The following TMEM33 variants were observed in gnomAD, a reference collection of about 807,000 sequenced individuals.
The protein encoded by TMEM33 is transmembrane protein 33.
TMEM33 carries 16 observed loss-of-function variants against 29.7 expected under a neutral mutation model. That is an observed-to-expected ratio of 0.54 (90% confidence interval 0.36 to 0.82). The LOEUF (loss-of-function observed/expected upper bound fraction) is 0.82, where lower values mean the gene tolerates loss of function less well. Among genes scored for constraint, TMEM33 ranks in the 40% least tolerant of loss-of-function variants. The pLI, the probability that TMEM33 is intolerant of heterozygous loss-of-function variation, is 0.00. For missense variants in TMEM33, 252 were observed against 295.3 expected (o/e 0.85, Z 1.08); for synonymous variants, 112 against 109.4 (o/e 1.02, Z -0.15).
chr4:41,943,297 G>C lies in TMEM33; in HGVS notation c.329-450G>C, dbSNP rs566768589. On this transcript the variant is annotated intron_variant, in intron 3 of 6. Transcript: ENST00000504986. Reference sequence around the variant, plus strand: ...CCCAGCACTTTGGGAGGCCGAGGTGGGCATATCACCTGTGGTAAGGAGTTC... The same window carrying C: ...CCCAGCACTTTGGGAGGCCGAGGTGCGCATATCACCTGTGGTAAGGAGTTC... Among the ~76,000 whole-genome samples the C allele has an allele frequency of 2.5e-3, 381 of 152,242 alleles. 1 individual carries two copies. Among genetic ancestry groups the C allele is most frequent in the Non-Finnish European group, 2.2e-3 (149 of 68,020 alleles).
At position 41,957,544 on chromosome 4, in the gene TMEM33, T is replaced by A. The variant is rs989950610; in HGVS notation, c.*3345T>A. The stretch of plus-strand genomic sequence containing the variant: ...TTAGGACATGAATATTATTTTTTTC[T>A]GGAAAAGAAGATGAGTATATGTGTA... On this transcript the variant is annotated 3_prime_UTR_variant, in exon 7 of 7. Coordinates refer to ENST00000504986, the MANE Select transcript of TMEM33 (RefSeq NM_018126.3). The A allele has an allele frequency of 9.2e-5, 14 of 151,942 alleles. No individual in the cohort carries two copies. Among genetic ancestry groups the A allele is most frequent in the African/African-American group, 3.1e-4 (13 of 41,406 alleles). The allele number at this position is 151,942 out of a possible 1,614,324, so 9.4% of individuals were successfully genotyped here. A position where few individuals can be genotyped will look rare whatever the true frequency, so the allele number is the denominator to read the frequency against.
At chr4:41,942,167 T>C (rs926405552) in intron 3 of TMEM33, among the ~76,000 whole-genome samples, 2 of 152,364 alleles carry the variant, frequency 1.3e-5, no homozygotes, top group South Asian at 2.1e-4. Context: ...AAGTTTAAAT[T>C]GAATTCTTTA....
Position 41,939,288 on chromosome 4 carries a change from A to G in TMEM33, c.233A>G (p.Gln78Arg). ...CTGCATCAAAGATTACCACACTTCC[A>G]GTTAAGCAGAGCATTCCTGGCCCAG... Reference protein sequence around the residue: ...LRLHQRLPHFQLSRAFLAQAL... With the variant: ...LRLHQRLPHFRLSRAFLAQAL... The change falls in exon 3 of 7, where the codon CAG (glutamine) becomes CGG (arginine). Residue 78 changes from glutamine to arginine, a missense_variant. Physicochemically the swap from Gln to Arg is conservative, Grantham distance 43. Transcript: ENST00000504986. The G allele has an allele frequency of 6.2e-7, 1 of 1,613,962 alleles. No individual in the cohort carries two copies. Among genetic ancestry groups the G allele is most frequent in the Non-Finnish European group, 8.5e-7 (1 of 1,179,962 alleles).
In TMEM33 at chr4:41,935,578, G is replaced by A. The variant is rs564017213; in HGVS notation, c.45+49G>A. On this transcript the variant is annotated intron_variant, in intron 1 of 6. Coordinates refer to ENST00000504986, the MANE Select transcript of TMEM33 (RefSeq NM_018126.3). ...TGGCTTGATTTGCAAGAGTTAGGAA[G>A]AAGCAGGAAGCGTTGCGAGTCCCGA... 8 of 1,565,760 alleles carry A rather than the reference G, an allele frequency of 5.1e-6. No homozygotes were observed. In the South Asian group the frequency reaches 7.0e-5, roughly 14 times the overall value.
At chr4:41,953,774 A>G (rs943280879) in intron 6 of TMEM33, 2 of 471,128 alleles carry the variant, frequency 4.2e-6, no homozygotes, top group East Asian at 6.4e-5. Flanking sequence ...TGGTGCCCCA[A>G]AACAGTTACA....
rs973282534 is a variant in TMEM33, at chr4:41,939,239, A to G, written c.184A>G (p.Asn62Asp). The G allele has an allele frequency of 5.6e-6, 9 of 1,607,172 alleles. No individual in the cohort carries two copies. Among genetic ancestry groups the G allele is most frequent in the South Asian group, 2.2e-5 (2 of 89,790 alleles). ...CTTTTACCAACGTGCTTTGCTGGCA[A>G]ATGCTCTTACCAGTGCTCTGAGGCT... ...ASFYQRALLA[N>D]ALTSALRLHQ... is the part of the protein sequence containing the mutation. Residue 62 changes from asparagine (N) to aspartate (D), a missense_variant, in exon 3 of 7, where the codon AAT (asparagine) becomes GAT (aspartate). Coordinates refer to ENST00000504986, the MANE Select transcript of TMEM33 (RefSeq NM_018126.3).
At chr4:41,936,366 C>T (rs1193534375) in intron 1 of TMEM33, among the ~76,000 whole-genome samples, 1 of 152,102 alleles carries the variant, frequency 6.6e-6, no homozygotes, top group Non-Finnish European at 1.5e-5. Context: ...CATAGCGAGA[C>T]CTCATCTCTA....
At chr4:41,948,650 A>G (rs1267112163) in intron 5 of TMEM33, among the ~76,000 whole-genome samples, 1 of 152,140 alleles carries the variant, frequency 6.6e-6, no homozygotes, top group African/African-American at 2.4e-5. Context: ...GTAGTTGCAT[A>G]TTAAATCCAT....
intron 6 of TMEM33, chr4:41,953,714 A>C (rs1165388528): frequency 2.2e-6 from 1 of 457,098 alleles, no homozygotes; most frequent in Non-Finnish European, 4.4e-6. Flanking sequence ...GAAAGAGACC[A>C]ATCAGGAATG....
rs890005352 is a variant in TMEM33, at chr4:41,943,815, G to A, written c.396+1G>A. 2 of 1,613,428 alleles carry A rather than the reference G, an allele frequency of 1.2e-6. No individual in the cohort carries two copies. The highest frequency in any genetic ancestry group is 1.7e-6 in the Non-Finnish European group (2 of 1,179,548). ...CACATATACGAAAAAGGTCCTTGAC[G>A]TAAGTAAAACTGCTCTTTGTCTGAC... On this transcript the variant is annotated splice_donor_variant, in intron 4 of 6. Coordinates refer to ENST00000504986, the MANE Select transcript of TMEM33 (RefSeq NM_018126.3). LOFTEE classifies it high-confidence loss of function.
chr4:41,938,961 A>G lies in TMEM33; in HGVS notation c.141-235A>G, dbSNP rs77968275. On this transcript the variant is annotated intron_variant, in intron 2 of 6. Coordinates refer to ENST00000504986, the MANE Select transcript of TMEM33 (RefSeq NM_018126.3). ...GTTCATGTTTTTTTCATTTTTACTT[A>G]TTACTTGACAGGAAGGTCCTGCTTT... is the stretch of plus-strand genomic sequence containing the variant. Among the ~76,000 whole-genome samples the G allele has an allele frequency of 0.032, 4,800 of 152,312 alleles. 110 individuals are homozygous for G. Among genetic ancestry groups the G allele is most frequent in the Non-Finnish European group, 0.05 (3,412 of 68,010 alleles).
At chr4:41,944,768 T>C (rs1184195648) in intron 4 of TMEM33, 25 bp from the exon 5 acceptor site, 2 of 1,610,100 alleles carry the variant, frequency 1.2e-6, no homozygotes, top group African/African-American at 2.7e-5. Flanking sequence ...CACTTATTTC[T>C]AATGTTGGTT....
rs985222952 is a variant in TMEM33 at position 41,957,830 on chromosome 4, ATG to A, written c.*3633_*3634del. ...AAGGAAGAAGTAGCCACGGACAGTT[ATG>A]TTTATAATCAGTAGGTGGCACTCTT... On this transcript the variant is annotated 3_prime_UTR_variant, in exon 7 of 7. Coordinates refer to ENST00000504986, the MANE Select transcript of TMEM33 (RefSeq NM_018126.3). 6.6e-6 allele frequency: 1 copy of A among 152,090 alleles called. No individual in the cohort carries two copies. Among genetic ancestry groups the A allele is most frequent in the African/African-American group, 2.4e-5 (1 of 41,418 alleles). 9.4% of individuals were successfully genotyped at this position (152,090 alleles called of 1,614,324 possible).
At chr4:41,935,414 G>T, upstream of TMEM33, 2 of 1,513,060 alleles carry the variant, frequency 1.3e-6, no homozygotes, top group East Asian at 2.4e-5. Context: ...CCTGGCCCCA[G>T]CGCTGACGTT....
intron 5 of TMEM33, among the ~76,000 whole-genome samples, chr4:41,946,668 A>G (rs1353599394): frequency 2.0e-5 from 3 of 152,234 alleles, no homozygotes; most frequent in African/African-American, 4.8e-5. Context: ...AGCTGAAAGC[A>G]TATAAAAGAA....
chr4:41,958,077 C>CA lies in TMEM33; in HGVS notation c.*3879dup, dbSNP rs1713339609. 1 of 152,134 alleles carries CA rather than the reference C, an allele frequency of 6.6e-6. No homozygotes were observed. Among genetic ancestry groups the CA allele is most frequent in the Non-Finnish European group, 1.5e-5 (1 of 68,180 alleles). The allele number at this position is 152,134 out of a possible 1,614,324, so 9.4% of individuals were successfully genotyped here. On this transcript the variant is annotated 3_prime_UTR_variant, in exon 7 of 7. Coordinates refer to ENST00000504986, the MANE Select transcript of TMEM33 (RefSeq NM_018126.3). ...TGGCCAGGCTGGAGTGCAATGGCGC[C>CA]ATCTCAGCTCACTGCAACCTCTGCC...
chr4:41,940,131 T>C (rs1712466179), intron 3 of TMEM33, among the ~76,000 whole-genome samples: 1 of 149,162 alleles, frequency 6.7e-6, no homozygotes, highest in Non-Finnish European at 1.5e-5. Context: ...GTGCTGGGAT[T>C]ATAGGCGTGA....
Position 41,939,301 on chromosome 4 carries a change from A to G in TMEM33, c.246A>G (p.Ala82=), listed in dbSNP as rs750105248. The G allele has an allele frequency of 1.2e-6, 2 of 1,613,982 alleles. No individual in the cohort carries two copies. The highest frequency in any genetic ancestry group is 4.5e-5 in the East Asian group (2 of 44,876). The part of the protein sequence containing the change: ...QRLPHFQLSR[A]FLAQALLEDS... ...TACCACACTTCCAGTTAAGCAGAGCATTCCTGGCCCAGGCTTTGTTAGAGG... is the reference window on the plus strand; with the variant it reads ...TACCACACTTCCAGTTAAGCAGAGCGTTCCTGGCCCAGGCTTTGTTAGAGG... Residue 82 remains alanine, a synonymous_variant, in exon 3 of 7, where the codon GCA becomes GCG. Coordinates refer to ENST00000504986, the MANE Select transcript of TMEM33 (RefSeq NM_018126.3).
chr4:41,959,047 A>C lies in TMEM33; in HGVS notation c.*4848A>C, dbSNP rs1467540585. On this transcript the variant is annotated 3_prime_UTR_variant, in exon 7 of 7. Coordinates refer to ENST00000504986, the MANE Select transcript of TMEM33 (RefSeq NM_018126.3). ...CAACTAGTTTCCCTTAACTCATTGG[A>C]ATTCTCTAGGATTAGGAGAATTCCA... 1 of 152,092 alleles carries C rather than the reference A, an allele frequency of 6.6e-6. No individual in the cohort carries two copies. The highest frequency in any genetic ancestry group is 1.9e-4 in the East Asian group (1 of 5,184). 9.4% of individuals were successfully genotyped at this position (152,092 alleles called of 1,614,324 possible). A position where few individuals can be genotyped will look rare whatever the true frequency, so the allele number is the denominator to read the frequency against.
Sources: allele counts gnomAD v4.1 joint callset (sites outside exome capture counted in the v4.1 genomes callset), GRCh38; gene constraint gnomAD v4.1.1; transcripts MANE v1.5; gene names NCBI Gene and HGNC (gene_info 2026-07-23, HGNC 2026-07-21).